Variants in WNT4 observed in about 807,000 individuals in gnomAD.
WNT4 encodes the protein Wnt family member 4, also known as protein Wnt-4.
A neutral mutation model predicts 34.5 loss-of-function variants in WNT4; 16 were observed. That is an observed-to-expected ratio of 0.46 (90% confidence interval 0.31 to 0.70). WNT4 has a LOEUF of 0.70. Among genes scored for constraint, WNT4 ranks in the 30% least tolerant of loss-of-function variants. The probability of loss-of-function intolerance (pLI) is 0.04; values close to 1 mark genes in which losing one functional copy is unlikely to be tolerated. For synonymous variants in WNT4, 200 were observed against 211.9 expected (o/e 0.94, Z 0.49); for missense variants, 379 against 495.9 (o/e 0.76, Z 2.24).
rs1009343947 is a variant in WNT4 at position 22,140,449 on chromosome 1, C to A, written c.77+2397G>T. 2.6e-5 allele frequency among the ~76,000 whole-genome samples: 4 copies of A among 152,142 alleles called. No individual in the cohort carries two copies. Among genetic ancestry groups the A allele is most frequent in the Non-Finnish European group, 5.9e-5 (4 of 68,020 alleles). The stretch of plus-strand genomic sequence containing the variant: ...TGATCATACAGTCTTCAGACCAAGT[C>A]CCCCTCTGTGCCTGCTCGGGCTCAC... On this transcript the variant is annotated intron_variant, in intron 1 of 4. Coordinates refer to ENST00000290167, the MANE Select transcript of WNT4 (RefSeq NM_030761.5). The surrounding 1 kb of genome is among the most constrained non-coding windows in gnomAD (Gnocchi z 5.9).
rs1645868050 is a variant in WNT4, at chr1:22,118,752, C to T, written c.*1298G>A. The T allele has an allele frequency of 1.3e-5, 2 of 152,528 alleles. No homozygotes were observed. The highest frequency in any genetic ancestry group is 2.1e-4 in the South Asian group (1 of 4,830). The allele number at this position is 152,528 out of a possible 1,614,324, so 9.4% of individuals were successfully genotyped here. ...CCAGCCAGAACCCCTGCCCCAGGCT[C>T]AGACCCAAGAAGACCTGCAGTTTCT... is the stretch of plus-strand genomic sequence containing the variant. On this transcript the variant is annotated 3_prime_UTR_variant, in exon 5 of 5. Transcript: ENST00000290167.
rs1371462210 is a variant in WNT4, at chr1:22,134,219, C to G, written c.78-4368G>C. Among the ~76,000 whole-genome samples, 7 of 152,236 alleles carry G rather than the reference C, an allele frequency of 4.6e-5. No homozygotes were observed. In the South Asian group the frequency reaches 8.3e-4, roughly 18 times the overall value. The stretch of plus-strand genomic sequence containing the variant: ...CATTTAGAGCCTCCTCAGGAGCGGT[C>G]GTGCCTGCGATACCAGGGAGGAAGG... On this transcript the variant is annotated intron_variant, in intron 1 of 4. Coordinates refer to ENST00000290167, the MANE Select transcript of WNT4 (RefSeq NM_030761.5). The surrounding 1 kb of genome is among the most constrained non-coding windows in gnomAD (Gnocchi z 4.1).
In WNT4 at chr1:22,120,469, C is replaced by T; in HGVS notation, c.637G>A (p.Gly213Ser). 6.2e-7 allele frequency: 1 copy of T among 1,613,618 alleles called. No individual in the cohort carries two copies. Among genetic ancestry groups the T allele is most frequent in the Non-Finnish European group, 8.5e-7 (1 of 1,179,936 alleles). Residue 213 changes from glycine to serine, a missense_variant, in exon 5 of 5, where the codon GGC (glycine) becomes AGC (serine). Around this residue, in one of 2 missense-constraint regions of WNT4, gnomAD observed 313 missense variants for 445.8 expected, o/e 0.70. Coordinates refer to ENST00000290167, the MANE Select transcript of WNT4 (RefSeq NM_030761.5). ...RVECKCHGVS[G>S]SCEVKTCWRA... Reference sequence around the variant, plus strand: ...CAGCACGTCTTTACCTCACAGGAGCCTGACACCCCGTGGCACTTGCATTCC... The same window carrying T: ...CAGCACGTCTTTACCTCACAGGAGCTTGACACCCCGTGGCACTTGCATTCC...
At position 22,119,209 on chromosome 1, in the gene WNT4, TGTGTGTGTGTGTGTGTGTG is replaced by T. The variant is rs1557920963; in HGVS notation, c.*822_*840del. On this transcript the variant is annotated 3_prime_UTR_variant, in exon 5 of 5. Transcript: ENST00000290167. ...GTCCGTGTGTGTGTGTGTGTGTGTG[TGTGTGTGTGTGTGTGTGTG>T]TTTCAGTTTCATGGAGGAACAGCGC... The T allele has an allele frequency of 3.7e-4, 49 of 132,316 alleles. 1 individual carries two copies. The South Asian group carries it at 9.5e-3, about 26-fold the overall frequency. 8.2% of individuals were successfully genotyped at this position (132,316 alleles called of 1,614,324 possible).
At chr1:22,141,667 G>T (rs1283465259) in intron 1 of WNT4, among the ~76,000 whole-genome samples, 2 of 152,198 alleles carry the variant, frequency 1.3e-5, no homozygotes, top group African/African-American at 4.8e-5. Context: ...CCCAAGCCCT[G>T]GGTGGCTCTG....
intron 4 of WNT4, among the ~76,000 whole-genome samples, chr1:22,120,818 C>T (rs1480635957): frequency 6.6e-6 from 1 of 152,134 alleles, no homozygotes; most frequent in Non-Finnish European, 1.5e-5. Context: ...CTGCATTTAA[C>T]CTCCACGGGA....
intron 2 of WNT4, among the ~76,000 whole-genome samples, chr1:22,125,396 A>G (rs1645932550): frequency 6.6e-6 from 1 of 152,132 alleles, no homozygotes; most frequent in Non-Finnish European, 1.5e-5. Flanking sequence ...GGAGAAAATA[A>G]TGTTCTCCCC....
In WNT4 at chr1:22,122,887, C is replaced by T. The variant is rs571353303; in HGVS notation, c.314-1311G>A. 3.4e-4 allele frequency among the ~76,000 whole-genome samples: 52 copies of T among 152,310 alleles called. No homozygotes were observed. The South Asian group carries it at 9.5e-3, about 28-fold the overall frequency. On this transcript the variant is annotated intron_variant, in intron 2 of 4. Coordinates refer to ENST00000290167, the MANE Select transcript of WNT4 (RefSeq NM_030761.5). ...CAGGACGCCCTGTTCTTGGTTCGGC[C>T]CTTGAGCTGGCGATAGTGCCCACCA... is the stretch of plus-strand genomic sequence containing the variant.
Position 22,129,572 on chromosome 1 carries a change from T to TGGCACCGCAGGCTCCCCTGC in WNT4, c.313+24_313+43dup, listed in dbSNP as rs758882449. ...CTCATTTCCTGCTGGGCCCATGCCC[T>TGGCACCGCAGGCTCCCCTGC]GGCACCGCAGGCTCCCCTGCAGCCC... On this transcript the variant is annotated intron_variant, in intron 2 of 4. Transcript: ENST00000290167. 6.3e-6 allele frequency: 10 copies of TGGCACCGCAGGCTCCCCTGC among 1,586,930 alleles called. No individual in the cohort carries two copies. The South Asian group carries it at 1.0e-4, about 16-fold the overall frequency.
intron 2 of WNT4, among the ~76,000 whole-genome samples, chr1:22,128,836 C>T (rs1320107867): frequency 6.6e-6 from 1 of 152,162 alleles, no homozygotes; most frequent in Non-Finnish European, 1.5e-5. Flanking sequence ...TCTCCTGCCT[C>T]AGCCTCCCCA....
chr1:22,142,995 G>A lies in WNT4; in HGVS notation c.-73C>T. 1.2e-6 allele frequency: 1 copy of A among 833,278 alleles called. No homozygotes were observed. Among genetic ancestry groups the A allele is most frequent in the Non-Finnish European group, 1.4e-6 (1 of 694,642 alleles). 51.6% of individuals were successfully genotyped at this position (833,278 alleles called of 1,614,324 possible). ...GGGCCTCCCGTCGGGGCTGCAGGTG[G>A]GCGCCCGCGGGCGGGCCGGGGCGCG... On this transcript the variant is annotated 5_prime_UTR_variant, in exon 1 of 5. Coordinates refer to ENST00000290167, the MANE Select transcript of WNT4 (RefSeq NM_030761.5). This position sits in a 1 kb window ranked among gnomAD's most constrained non-coding sequence, Gnocchi z 6.0.
At chr1:22,133,481 A>G (rs1645998658) in intron 1 of WNT4, among the ~76,000 whole-genome samples, 1 of 152,172 alleles carries the variant, frequency 6.6e-6, no homozygotes, top group Non-Finnish European at 1.5e-5. Context: ...GAGCTGGACC[A>G]GGCTCAAAAA....
chr1:22,125,175 A>G (rs1160705008), intron 2 of WNT4, among the ~76,000 whole-genome samples: 1 of 152,116 alleles, frequency 6.6e-6, no homozygotes, highest in Non-Finnish European at 1.5e-5. Flanking sequence ...TAATAATGCC[A>G]CCCCGGCAGG....
In WNT4 at chr1:22,142,535, C is replaced by T. The variant is rs375144976; in HGVS notation, c.77+311G>A. 7.9e-5 allele frequency among the ~76,000 whole-genome samples: 12 copies of T among 152,310 alleles called. 1 individual carries two copies. The highest frequency in any genetic ancestry group is 2.9e-4 in the African/African-American group (12 of 41,590). On this transcript the variant is annotated intron_variant, in intron 1 of 4. Transcript: ENST00000290167. This position sits in a 1 kb window ranked among gnomAD's most constrained non-coding sequence, Gnocchi z 6.0. ...CTGCAACCCGCGTCCGGCGCCCCTCCCGGGCCACCGCCCCGCGCTCGCACC... is the reference window on the plus strand; with the variant it reads ...CTGCAACCCGCGTCCGGCGCCCCTCTCGGGCCACCGCCCCGCGCTCGCACC...
At chr1:22,138,575 G>A (rs1482521222) in intron 1 of WNT4, among the ~76,000 whole-genome samples, 1 of 152,232 alleles carries the variant, frequency 6.6e-6, no homozygotes, top group African/African-American at 2.4e-5. Context: ...GTGATACGGA[G>A]GCTGAGAAAT....
chr1:22,142,941 CG>C lies in WNT4; in HGVS notation c.-20del. ...GACTCATGGTGCCGCCGCGGGCGCC[CG>C]GCCCGGGGCAGCGGCTGCGGCCGCG... On this transcript the variant is annotated 5_prime_UTR_variant, in exon 1 of 5. Transcript: ENST00000290167. The surrounding 1 kb of genome is among the most constrained non-coding windows in gnomAD (Gnocchi z 6.0). 1 of 1,085,096 alleles carries C rather than the reference CG, an allele frequency of 9.2e-7. No individual in the cohort carries two copies. The allele number at this position is 1,085,096 out of a possible 1,614,324, so 67.2% of individuals were successfully genotyped here.
rs373471114 is a variant in WNT4, at chr1:22,124,311, C to T, written c.314-2735G>A. 5.3e-5 allele frequency among the ~76,000 whole-genome samples: 8 copies of T among 152,210 alleles called. No individual in the cohort carries two copies. The East Asian group carries it at 5.8e-4, about 11-fold the overall frequency. On this transcript the variant is annotated intron_variant, in intron 2 of 4. Coordinates refer to ENST00000290167, the MANE Select transcript of WNT4 (RefSeq NM_030761.5). The stretch of plus-strand genomic sequence containing the variant: ...GGCAGAACTCTACGGTGCCTTCTTC[C>T]GTTTTCACACAGCCATTTGCCCCTT...
chr1:22,122,071 TG>T (rs1266479816), intron 2 of WNT4, among the ~76,000 whole-genome samples: 1 of 152,200 alleles, frequency 6.6e-6, no homozygotes, highest in Non-Finnish European at 1.5e-5. Flanking sequence ...AGGTCTGGCC[TG>T]TTCCCCAGCT....
In WNT4 at chr1:22,134,700, C is replaced by T. The variant is rs1009197696; in HGVS notation, c.78-4849G>A. Among the ~76,000 whole-genome samples, 21 of 152,150 alleles carry T rather than the reference C, an allele frequency of 1.4e-4. No homozygotes were observed. Among genetic ancestry groups the T allele is most frequent in the African/African-American group, 5.1e-4 (21 of 41,420 alleles). On this transcript the variant is annotated intron_variant, in intron 1 of 4. Coordinates refer to ENST00000290167, the MANE Select transcript of WNT4 (RefSeq NM_030761.5). This position sits in a 1 kb window ranked among gnomAD's most constrained non-coding sequence, Gnocchi z 4.1. ...ATCTGTGTGCAGGAGATGCTCGTCC[C>T]TGCTGCAGCATTGTCCTAGCAGCAC...
Sources: allele counts gnomAD v4.1 joint callset (sites outside exome capture counted in the v4.1 genomes callset), GRCh38; gene constraint gnomAD v4.1.1; regional missense constraint gnomAD v4.1.1; non-coding constraint Gnocchi (gnomAD v3.1); transcripts MANE v1.5; gene names NCBI Gene and HGNC (gene_info 2026-07-23, HGNC 2026-07-21).